ATP9A: variants seen among roughly 807,000 people sequenced by gnomAD.
ATP9A encodes ATPase phospholipid transporting 9A.
Under a neutral mutation model 144.1 loss-of-function variants are expected in ATP9A, and 52 were observed. The ratio of observed to expected loss-of-function variants is 0.36; its 90% confidence interval spans 0.29 to 0.45. The LOEUF (loss-of-function observed/expected upper bound fraction) is 0.45. Among genes scored for constraint, ATP9A ranks in the 20% least tolerant of loss-of-function variants. The pLI, the probability that ATP9A is intolerant of heterozygous loss-of-function variation, is 1.00. For synonymous variants in ATP9A, 582 were observed against 557.4 expected (o/e 1.04, Z -0.62); for missense variants, 947 against 1,392.7 (o/e 0.68, Z 5.09).
At chr20:51,679,895 A>C (rs1020599010) in intron 9 of ATP9A, among the ~76,000 whole-genome samples, 3 of 152,194 alleles carry the variant, frequency 2.0e-5, no homozygotes, top group African/African-American at 7.2e-5. Context: ...TGATCAGAGT[A>C]GTCGTCTCAT....
chr20:51,665,952 A>C (rs1034624638), intron 13 of ATP9A, among the ~76,000 whole-genome samples: 71 of 152,278 alleles, frequency 4.7e-4, no homozygotes, highest in African/African-American at 1.6e-3. Context: ...TCACCTGGAC[A>C]CTCATAAACT....
intron 9 of ATP9A, among the ~76,000 whole-genome samples, chr20:51,683,767 AAC>A (rs1400700239): frequency 6.6e-6 from 1 of 152,176 alleles, no homozygotes; most frequent in African/African-American, 2.4e-5. Context: ...CGGGGCCAGA[AAC>A]ACAGACTGGG....
At chr20:51,684,904 G>T (rs577758176) in intron 9 of ATP9A, among the ~76,000 whole-genome samples, 25 of 150,960 alleles carry the variant, frequency 1.7e-4, no homozygotes, top group African/African-American at 5.6e-4. Context: ...CCGGCTACTA[G>T]GGAGGCTGAG....
chr20:51,607,506 G>C (rs1263875869), intron 26 of ATP9A, 21 bp downstream of exon 26: 1 of 1,596,608 alleles, frequency 6.3e-7, no homozygotes, highest in Admixed American at 1.7e-5. Flanking sequence ...AAGACAAACA[G>C]GTGTCTCCAC....
intron 15 of ATP9A, among the ~76,000 whole-genome samples, chr20:51,635,830 G>GGAAGGAAGGAAGGAAGGAAGGAAGAA (rs1568795826): frequency 1.7e-5 from 1 of 58,276 alleles, no homozygotes; most frequent in Admixed American, 1.7e-4. Flanking sequence ...GGAAGGGAGG[G>GGAAGGAAGGAAGGAAGGAAGGAAGAA]AGGGAGGGAG....
rs1331396385 is a variant in ATP9A at position 51,670,106 on chromosome 20, G to C, written c.1184C>G (p.Thr395Ser). Residue 395 changes from threonine (T) to serine (S), a missense_variant, in exon 13 of 28, where the codon ACT becomes AGT. By Grantham distance (58) the Thr-to-Ser change is moderately conservative. Around this residue, in one of 2 missense-constraint regions of ATP9A, gnomAD observed 770 missense variants for 1,047.9 expected, o/e 0.73. Transcript: ENST00000338821. The stretch of plus-strand genomic sequence containing the variant: ...GAAAATCATCTCGTTCTGGGTAAGA[G>C]TGCCTAAAACACAAGACAAATGAGT... Reference protein sequence around the residue: ...ISYLLTDKTGTLTQNEMIFKR... With the variant: ...ISYLLTDKTGSLTQNEMIFKR... 6.2e-7 allele frequency: 1 copy of C among 1,613,374 alleles called. No individual in the cohort carries two copies. Among genetic ancestry groups the C allele is most frequent in the Non-Finnish European group, 8.5e-7 (1 of 1,179,376 alleles).
chr20:51,677,292 C>A (rs145308393), intron 9 of ATP9A, among the ~76,000 whole-genome samples: 72 of 152,210 alleles, frequency 4.7e-4, no homozygotes, highest in African/African-American at 1.7e-3. Context: ...CAATGATCTG[C>A]GGCTACACTG....
At chr20:51,653,916 C>A (rs1308528552) in intron 14 of ATP9A, among the ~76,000 whole-genome samples, 2 of 152,146 alleles carry the variant, frequency 1.3e-5, no homozygotes, top group Non-Finnish European at 1.5e-5. Flanking sequence ...GGTTCCAAGT[C>A]CATAGCTACC....
chr20:51,732,827 G>A (rs1445168593), intron 1 of ATP9A, among the ~76,000 whole-genome samples: 1 of 151,914 alleles, frequency 6.6e-6, no homozygotes, highest in Non-Finnish European at 1.5e-5. Flanking sequence ...GGAAAAGGAT[G>A]GGAGAAAAAG....
intron 9 of ATP9A, among the ~76,000 whole-genome samples, chr20:51,684,695 CA>C (rs34692104): frequency 0.65 from 61,850 of 94,486 alleles, 18,060 homozygotes; most frequent in Middle Eastern, 0.7. Context: ...GACTCTGTCT[CA>C]AAAAAAAAAA....
At chr20:51,760,985 G>T (rs936059589) in intron 1 of ATP9A, among the ~76,000 whole-genome samples, 1 of 152,100 alleles carries the variant, frequency 6.6e-6, no homozygotes, top group Admixed American at 6.6e-5. Context: ...CCGAGACTGC[G>T]CCACTGCACT....
At chr20:51,638,111 A>ATC (rs1488394236) in intron 15 of ATP9A, among the ~76,000 whole-genome samples, 1 of 85,338 alleles carries the variant, frequency 1.2e-5, no homozygotes, top group African/African-American at 5.1e-5. Context: ...ATATATATAT[A>ATC]TATATATATA....
At chr20:51,740,930 C>G (rs1189589235) in intron 1 of ATP9A, among the ~76,000 whole-genome samples, 4 of 151,986 alleles carry the variant, frequency 2.6e-5, no homozygotes, top group African/African-American at 9.7e-5. Flanking sequence ...ATTTTATCAT[C>G]CTGTCCTCAC....
At chr20:51,664,771 G>A (rs1414829808) in intron 13 of ATP9A, among the ~76,000 whole-genome samples, 1 of 151,650 alleles carries the variant, frequency 6.6e-6, no homozygotes, top group East Asian at 1.9e-4. Context: ...CCAGGTTGGA[G>A]TGCAGTGACG....
In ATP9A at chr20:51,629,037, C is replaced by T; in HGVS notation, c.1704G>A (p.Lys568=). The part of the protein sequence containing the change: ...ESTGEITFYM[K]GADVVMAGIV... ...TGCCAGCCATGACCACATCTGCTCC[C>T]TTCATGTAAAACGTAATTTCTCCAG... is the stretch of plus-strand genomic sequence containing the variant. The change falls in exon 16 of 28, where the codon AAG becomes AAA. Residue 568 remains lysine (K), a synonymous_variant. Coordinates refer to ENST00000338821, the MANE Select transcript of ATP9A (RefSeq NM_006045.3). 6.2e-7 allele frequency: 1 copy of T among 1,614,142 alleles called. No individual in the cohort carries two copies. Among genetic ancestry groups the T allele is most frequent in the South Asian group, 1.1e-5 (1 of 91,070 alleles).
intron 15 of ATP9A, among the ~76,000 whole-genome samples, chr20:51,632,771 T>C (rs1441599981): frequency 6.6e-6 from 1 of 152,160 alleles, no homozygotes; most frequent in Non-Finnish European, 1.5e-5. Context: ...ATAATACTTA[T>C]TTCATTAAAG....
At chr20:51,682,646 C>A (rs1280120568) in intron 9 of ATP9A, among the ~76,000 whole-genome samples, 1 of 119,696 alleles carries the variant, frequency 8.4e-6, no homozygotes, top group East Asian at 2.8e-4. Flanking sequence ...GTTTGGGGTG[C>A]AATGGTGCAA....
intron 4 of ATP9A, 78 bp from the exon 5 acceptor site, chr20:51,697,560 T>C: frequency 7.4e-7 from 1 of 1,357,314 alleles, no homozygotes. Flanking sequence ...GTGCCCAGCC[T>C]GCAAACACAC....
chr20:51,620,982 A>G (rs1230786904), intron 19 of ATP9A, among the ~76,000 whole-genome samples: 1 of 152,018 alleles, frequency 6.6e-6, no homozygotes, highest in Admixed American at 6.6e-5. Flanking sequence ...ACCCGTCTCT[A>G]CTAAAAACAC....
Sources: allele counts gnomAD v4.1 joint callset (sites outside exome capture counted in the v4.1 genomes callset), GRCh38; gene constraint gnomAD v4.1.1; regional missense constraint gnomAD v4.1.1; transcripts MANE v1.5; gene names NCBI Gene and HGNC (gene_info 2026-07-23, HGNC 2026-07-21).